FHIT: variants seen among roughly 807,000 people sequenced by gnomAD.
The protein encoded by FHIT is bis(5'-adenosyl)-triphosphatase.
FHIT carries 19 observed loss-of-function variants against 17.9 expected under a neutral mutation model. The ratio of observed to expected loss-of-function variants is 1.06; its 90% CI spans 0.74 to 1.56. The LOEUF (loss-of-function observed/expected upper bound fraction) is 1.56, where lower values mean the gene tolerates loss of function less well. FHIT is among the 40% of genes most tolerant of loss of function. The probability of loss-of-function intolerance (pLI) is 0.00; values close to 1 mark genes in which losing one functional copy is unlikely to be tolerated. For missense variants in FHIT, 248 were observed against 189.2 expected (o/e 1.31, Z -1.82); for synonymous variants, 81 against 69.7 (o/e 1.16, Z -0.81).
chr3:60,245,425 A>G (rs1179737809), intron 5 of FHIT, among the ~76,000 whole-genome samples: 4 of 152,058 alleles, frequency 2.6e-5, no homozygotes, highest in Admixed American at 1.3e-4. Context: ...TCAGGGTTCA[A>G]TATTCAAAGT....
intron 4 of FHIT, among the ~76,000 whole-genome samples, chr3:60,574,072 A>T (rs1364202585): frequency 6.6e-6 from 1 of 152,072 alleles, no homozygotes; most frequent in African/African-American, 2.4e-5. Flanking sequence ...AGCCTCCCAA[A>T]GTGCTGGCAT....
At chr3:60,325,940 C>G (rs544014857) in intron 5 of FHIT, among the ~76,000 whole-genome samples, 1 of 152,152 alleles carries the variant, frequency 6.6e-6, no homozygotes. Context: ...TGGCAGGGAT[C>G]TACTTAATTT....
intron 3 of FHIT, among the ~76,000 whole-genome samples, chr3:60,928,440 T>C (rs560351230): frequency 1.3e-5 from 2 of 149,784 alleles, no homozygotes; most frequent in African/African-American, 4.9e-5. Flanking sequence ...TCCCAGCTAC[T>C]CAGGAGGCTG....
At chr3:61,188,669 T>C (rs1437365582) in intron 2 of FHIT, among the ~76,000 whole-genome samples, 7 of 152,228 alleles carry the variant, frequency 4.6e-5, no homozygotes, top group Non-Finnish European at 2.9e-5. Flanking sequence ...TGAACATTGA[T>C]GCAAAAATCC....
chr3:60,704,865 A>G (rs1374964829), intron 4 of FHIT, among the ~76,000 whole-genome samples: 1 of 147,034 alleles, frequency 6.8e-6, no homozygotes, highest in African/African-American at 2.7e-5. Flanking sequence ...CTTCTCAGAG[A>G]TATCTTGAGA....
At chr3:60,885,301 CAT>C (rs148998588) in intron 3 of FHIT, among the ~76,000 whole-genome samples, 140 of 152,242 alleles carry the variant, frequency 9.2e-4, no homozygotes, top group African/African-American at 3.2e-3. Context: ...TAAAGTATCA[CAT>C]GAGCCTATAA....
chr3:60,067,609 G>A (rs948363560), intron 5 of FHIT, among the ~76,000 whole-genome samples: 3 of 152,200 alleles, frequency 2.0e-5, no homozygotes, highest in Non-Finnish European at 4.4e-5. Context: ...AATTGCCATT[G>A]TTGTTTGGTG....
intron 5 of FHIT, among the ~76,000 whole-genome samples, chr3:60,398,473 C>G (rs1025628454): frequency 3.9e-5 from 6 of 152,116 alleles, no homozygotes; most frequent in African/African-American, 1.4e-4. Flanking sequence ...CTGATCCTGC[C>G]TATCAAGTGT....
At chr3:60,489,228 T>C (rs796813311) in intron 5 of FHIT, among the ~76,000 whole-genome samples, 1 of 152,278 alleles carries the variant, frequency 6.6e-6, no homozygotes, top group African/African-American at 2.4e-5. Flanking sequence ...TCAATCCTAA[T>C]TGGAAATTTT....
chr3:60,550,501 A>T (rs2036510834), intron 4 of FHIT, among the ~76,000 whole-genome samples: 2 of 152,230 alleles, frequency 1.3e-5, no homozygotes, highest in African/African-American at 4.8e-5. Context: ...AACAAGTCAA[A>T]GAAAATCCAA....
chr3:60,039,573 A>G (rs1055081547), intron 5 of FHIT, among the ~76,000 whole-genome samples: 3 of 152,240 alleles, frequency 2.0e-5, no homozygotes, highest in African/African-American at 7.2e-5. Flanking sequence ...CTGGATTATC[A>G]CTAAGATTGT....
chr3:60,595,545 G>C (rs1391917031), intron 4 of FHIT, among the ~76,000 whole-genome samples: 1 of 151,062 alleles, frequency 6.6e-6, no homozygotes, highest in East Asian at 2.0e-4. Context: ...ATATATGTGT[G>C]TGTATATATG....
rs1323632647 is a variant in FHIT, at chr3:60,574,234, T to TA, written c.-17-37256dup. 2.0e-4 allele frequency among the ~76,000 whole-genome samples: 31 copies of TA among 152,272 alleles called. 1 individual carries two copies. Among genetic ancestry groups the TA allele is most frequent in the Admixed American group, 2.0e-3 (30 of 15,278 alleles). ...CAAGACACTGTGAGCCCTCTCCTTTTATCCTGACTTCTTTCTCACTTTCTG... is the reference window on the plus strand; with the variant it reads ...CAAGACACTGTGAGCCCTCTCCTTTTAATCCTGACTTCTTTCTCACTTTCTG... On this transcript the variant is annotated intron_variant, in intron 4 of 9. Coordinates refer to ENST00000492590, the MANE Select transcript of FHIT (RefSeq NM_002012.4).
chr3:60,640,031 G>A (rs969794506), intron 4 of FHIT, among the ~76,000 whole-genome samples: 13 of 152,148 alleles, frequency 8.5e-5, no homozygotes, highest in African/African-American at 3.1e-4. Flanking sequence ...GAGACACAAG[G>A]GAGTTCATAT....
chr3:60,878,524 G>T (rs1199046016), intron 3 of FHIT, among the ~76,000 whole-genome samples: 1 of 151,666 alleles, frequency 6.6e-6, no homozygotes, highest in Non-Finnish European at 1.5e-5. Flanking sequence ...AAGTTTTAGG[G>T]TACATGTGCA....
intron 2 of FHIT, among the ~76,000 whole-genome samples, chr3:61,110,309 C>G (rs1332582939): frequency 6.6e-6 from 1 of 152,122 alleles, no homozygotes; most frequent in Admixed American, 6.6e-5. Flanking sequence ...GCTGCCTTTG[C>G]CTGGGAGACT....
chr3:60,147,812 C>T (rs538908334), intron 5 of FHIT, among the ~76,000 whole-genome samples: 31 of 152,218 alleles, frequency 2.0e-4, no homozygotes, highest in African/African-American at 4.6e-4. Flanking sequence ...CATGGAGCAA[C>T]GGTGCAGTTG....
intron 5 of FHIT, among the ~76,000 whole-genome samples, chr3:60,204,383 C>T (rs540699693): frequency 6.6e-6 from 1 of 152,260 alleles, no homozygotes; most frequent in African/African-American, 2.4e-5. Flanking sequence ...GATCCTCCCA[C>T]CTCAGCCTTC....
chr3:61,040,109 C>T (rs950810340), intron 3 of FHIT, among the ~76,000 whole-genome samples: 1 of 152,124 alleles, frequency 6.6e-6, no homozygotes, highest in Non-Finnish European at 1.5e-5. Flanking sequence ...TTTAACGAAA[C>T]CTTACTCTCC....
Sources: gnomAD v4.1 joint callset for allele counts (sites outside exome capture counted in the v4.1 genomes callset) on GRCh38, gnomAD v4.1.1 for gene constraint, MANE v1.5 for transcripts, NCBI Gene and HGNC (gene_info 2026-07-23, HGNC 2026-07-21) for gene names.